PTPRD: variants seen among roughly 807,000 people sequenced by gnomAD.
PTPRD encodes receptor-type tyrosine-protein phosphatase delta.
Under a neutral mutation model 214.5 loss-of-function variants are expected in PTPRD, and 34 were observed. The ratio of observed to expected loss-of-function variants is 0.16; its 90% CI spans 0.12 to 0.21. The LOEUF is 0.21. PTPRD is among the 10% of genes least tolerant of loss of function. The probability of loss-of-function intolerance (pLI) is 1.00; values close to 1 mark genes in which losing one functional copy is unlikely to be tolerated. For missense variants in PTPRD, 2,545 were observed against 2,398.7 expected (o/e 1.06, Z -1.27); for synonymous variants, 1,128 against 845.7 (o/e 1.33, Z -5.79).
intron 5 of PTPRD, among the ~76,000 whole-genome samples, chr9:9,853,540 T>A (rs751353209): frequency 1.3e-5 from 2 of 150,800 alleles, no homozygotes; most frequent in Non-Finnish European, 3.0e-5. Flanking sequence ...TTTTTAAGGG[T>A]TTTTTTTGTT....
chr9:8,790,376 A>C (rs2096178351), intron 11 of PTPRD, among the ~76,000 whole-genome samples: 1 of 151,108 alleles, frequency 6.6e-6, no homozygotes. Context: ...TTGTCCAATA[A>C]AGTGTTAGCC....
intron 5 of PTPRD, among the ~76,000 whole-genome samples, chr9:9,773,124 A>T (rs2098766950): frequency 1.3e-5 from 2 of 152,162 alleles, no homozygotes; most frequent in Admixed American, 6.5e-5. Context: ...AGATGAAGAG[A>T]TAAGTGTATA....
Position 10,341,008 on chromosome 9 carries a change from A to AC in PTPRD, c.-591dup. ...AGGTCCTTTACTTCCTTGATTCTTC[A>AC]CTTCTTCACCTGCAAAAATGAGGAC... On this transcript the variant is annotated 5_prime_UTR_variant, in exon 3 of 46. Coordinates refer to ENST00000381196, the MANE Select transcript of PTPRD (RefSeq NM_002839.4). 1 of 152,036 alleles carries AC rather than the reference A, an allele frequency of 6.6e-6. No individual in the cohort carries two copies. Among genetic ancestry groups the AC allele is most frequent in the South Asian group, 2.1e-4 (1 of 4,822 alleles). 9.4% of individuals were successfully genotyped at this position (152,036 alleles called of 1,614,324 possible).
intron 8 of PTPRD, among the ~76,000 whole-genome samples, chr9:9,550,830 A>G (rs2080032088): frequency 6.6e-6 from 1 of 151,958 alleles, no homozygotes. Context: ...TAGAGAGTAT[A>G]TAAGTACATG....
intron 4 of PTPRD, among the ~76,000 whole-genome samples, chr9:9,941,551 G>T (rs978756826): frequency 3.9e-5 from 6 of 152,264 alleles, no homozygotes; most frequent in Non-Finnish European, 7.4e-5. Flanking sequence ...TTGAACTCCT[G>T]ACATCAAGTG....
At chr9:10,140,681 T>C (rs541297922) in intron 3 of PTPRD, among the ~76,000 whole-genome samples, 9 of 152,104 alleles carry the variant, frequency 5.9e-5, no homozygotes, top group Admixed American at 2.6e-4. Context: ...AAGGAGGAAC[T>C]GGTACCATTC....
intron 3 of PTPRD, among the ~76,000 whole-genome samples, chr9:10,084,699 C>T (rs569154674): frequency 1.3e-4 from 20 of 151,944 alleles, no homozygotes; most frequent in African/African-American, 3.6e-4. Context: ...CACACAACTT[C>T]GCAACTCTGC....
rs368374035 is a variant in PTPRD, at chr9:8,503,638, C to G, written c.1822+623G>C. ...ACAGCTCCAAAAAGAAATTGAACCC[C>G]AGGAAACAAAATACAATTTAGAATT... On this transcript the variant is annotated intron_variant, in intron 23 of 45. Transcript: ENST00000381196. Among the ~76,000 whole-genome samples, 391 of 152,246 alleles carry G rather than the reference C, an allele frequency of 2.6e-3. 2 individuals are homozygous for G. The highest frequency in any genetic ancestry group is 8.8e-3 in the African/African-American group (365 of 41,552).
intron 36 of PTPRD, among the ~76,000 whole-genome samples, chr9:8,396,991 C>G (rs186683714): frequency 6.6e-6 from 1 of 151,988 alleles, no homozygotes; most frequent in Non-Finnish European, 1.5e-5. Context: ...CAGTTGCAAA[C>G]GATTAACTTG....
intron 7 of PTPRD, among the ~76,000 whole-genome samples, chr9:9,611,109 C>G (rs555874573): frequency 1.3e-5 from 2 of 152,008 alleles, no homozygotes; most frequent in African/African-American, 2.4e-5. Context: ...AATACAATAC[C>G]TTTTAATATG....
intron 2 of PTPRD, among the ~76,000 whole-genome samples, chr9:10,514,336 C>T (rs1029384078): frequency 1.3e-5 from 2 of 151,404 alleles, no homozygotes. Flanking sequence ...ATTACAATTA[C>T]ATTTAGAACT....
rs1326198997 is a variant in PTPRD, at chr9:8,500,918, T to C, written c.1964A>G (p.Glu655Gly). The change falls in exon 24 of 46, where the codon GAA becomes GGA. Residue 655 changes from glutamate to glycine, a missense_variant. Glu to Gly is a moderately conservative substitution (Grantham distance 98). Coordinates refer to ENST00000381196, the MANE Select transcript of PTPRD (RefSeq NM_002839.4). ...CAAAATCTCGTGAGGCTTGTCATCT[T>C]CCCCATCCACTGCAGTGTACTTGAT... The part of the protein sequence containing the change: ...YSIKYTAVDG[E>G]DDKPHEILGI... 6.2e-7 allele frequency: 1 copy of C among 1,614,150 alleles called. No individual in the cohort carries two copies. Among genetic ancestry groups the C allele is most frequent in the Non-Finnish European group, 8.5e-7 (1 of 1,180,016 alleles).
At chr9:9,098,758 T>G (rs773994099) in intron 10 of PTPRD, among the ~76,000 whole-genome samples, 4 of 152,066 alleles carry the variant, frequency 2.6e-5, no homozygotes, top group Non-Finnish European at 5.9e-5. Context: ...TGGGGAAAAA[T>G]TAGGTATATT....
intron 5 of PTPRD, among the ~76,000 whole-genome samples, chr9:9,870,820 G>C (rs1185275515): frequency 1.3e-5 from 2 of 152,092 alleles, no homozygotes; most frequent in Non-Finnish European, 2.9e-5. Flanking sequence ...AGGTAGGATA[G>C]ACACTTAGTG....
intron 5 of PTPRD, among the ~76,000 whole-genome samples, chr9:9,774,728 A>T (rs1174296065): frequency 1.3e-5 from 2 of 152,208 alleles, no homozygotes; most frequent in East Asian, 1.9e-4. Context: ...TTATTTTTTT[A>T]AAAAAGATTC....
intron 10 of PTPRD, among the ~76,000 whole-genome samples, chr9:9,112,040 T>A (rs1287857755): frequency 6.6e-6 from 1 of 152,178 alleles, no homozygotes; most frequent in African/African-American, 2.4e-5. Flanking sequence ...CTTCTCATTT[T>A]GCTGTAACCT....
At chr9:8,680,277 C>T (rs1007269134) in intron 12 of PTPRD, among the ~76,000 whole-genome samples, 2 of 152,164 alleles carry the variant, frequency 1.3e-5, no homozygotes, top group African/African-American at 4.8e-5. Context: ...CCACAGTTTT[C>T]AATGATACCA....
At chr9:10,547,056 A>T (rs2060318520) in intron 2 of PTPRD, among the ~76,000 whole-genome samples, 1 of 152,098 alleles carries the variant, frequency 6.6e-6, no homozygotes, top group Non-Finnish European at 1.5e-5. Flanking sequence ...ATAGTCCTAC[A>T]GGTCATATGA....
At chr9:9,992,186 T>A (rs1362302218) in intron 4 of PTPRD, among the ~76,000 whole-genome samples, 1 of 152,144 alleles carries the variant, frequency 6.6e-6, no homozygotes, top group African/African-American at 2.4e-5. Context: ...TGCATGACTG[T>A]GAATATACTG....
Sources: gnomAD v4.1 joint callset for allele counts (sites outside exome capture counted in the v4.1 genomes callset) on GRCh38, gnomAD v4.1.1 for gene constraint, MANE v1.5 for transcripts, NCBI Gene and HGNC (gene_info 2026-07-23, HGNC 2026-07-21) for gene names.